Variants in NLRP7 observed in about 807,000 individuals in gnomAD.
The protein encoded by NLRP7 is NACHT, LRR and PYD domains-containing protein 7.
A neutral mutation model predicts 85.5 loss-of-function variants in NLRP7; 72 were observed. The ratio of observed to expected loss-of-function variants is 0.84; its 90% CI spans 0.70 to 1.02. The LOEUF is 1.02. Among genes scored for constraint, NLRP7 ranks in the 50% least tolerant of loss-of-function variants. The probability of loss-of-function intolerance (pLI) is 0.00; values close to 1 mark genes in which losing one functional copy is unlikely to be tolerated. For missense variants in NLRP7, 1,243 were observed against 1,219.5 expected (o/e 1.02, Z -0.29); for synonymous variants, 550 against 505.2 (o/e 1.09, Z -1.19).
At chr19:54,937,641 T>C (rs947470182) in intron 5 of NLRP7, among the ~76,000 whole-genome samples, 4 of 151,940 alleles carry the variant, frequency 2.6e-5, no homozygotes, top group African/African-American at 9.7e-5. Flanking sequence ...CTCATGCCTA[T>C]AATCCCAGCA....
Position 54,934,597 on chromosome 19 carries a change from T to A in NLRP7, c.2363A>T (p.Asn788Ile). 1.2e-6 allele frequency: 2 copies of A among 1,614,126 alleles called. No homozygotes were observed. The highest frequency in any genetic ancestry group is 1.7e-6 in the Non-Finnish European group (2 of 1,180,002). ...GAGACGCAGGTGCTTCAGGGACTGG[T>A]TGGCTTTGAGGACATAGAAGAATTC... The change falls in exon 7 of 10, where the codon AAC becomes ATC. Residue 788 changes from asparagine (N) to isoleucine (I), a missense_variant. Around this residue, in one of 3 missense-constraint regions of NLRP7, gnomAD observed 613 missense variants for 588.4 expected, o/e 1.04. Coordinates refer to ENST00000340844, the Ensembl canonical transcript of NLRP7. This position sits in a 1 kb window ranked among gnomAD's most constrained non-coding sequence, Gnocchi z 6.7.
intron 3 of NLRP7, 148 bp downstream of exon 3, chr19:54,940,783 A>G: frequency 1.4e-6 from 1 of 713,032 alleles, no homozygotes; most frequent in Non-Finnish European, 2.5e-6. Flanking sequence ...GCAGAGACGG[A>G]GCCACTACAC....
At chr19:54,930,855 A>G (rs1602126661) in intron 8 of NLRP7, among the ~76,000 whole-genome samples, 189 bp from the exon 9 acceptor site, 1 of 151,910 alleles carries the variant, frequency 6.6e-6, no homozygotes, top group African/African-American at 2.4e-5. Flanking sequence ...AGCTGGGATT[A>G]TAGGTGCCCG....
upstream of NLRP7, among the ~76,000 whole-genome samples, chr19:54,951,419 C>T (rs1168661073): frequency 1.3e-5 from 2 of 151,862 alleles, no homozygotes; most frequent in South Asian, 2.1e-4. Flanking sequence ...GGTAGTTCAA[C>T]GCCTGTAATC....
intron 5 of NLRP7, among the ~76,000 whole-genome samples, chr19:54,937,828 T>C (rs1423655487): frequency 3.1e-5 from 4 of 129,110 alleles, no homozygotes; most frequent in Admixed American, 9.8e-5. Flanking sequence ...ACCTGGGAGG[T>C]GGAGGATGCA....
chr19:54,942,090 TA>T (rs556308659), intron 1 of NLRP7, among the ~76,000 whole-genome samples: 1 of 151,450 alleles, frequency 6.6e-6, no homozygotes, highest in African/African-American at 2.4e-5. Flanking sequence ...CTGCCTCTAC[TA>T]AAAAAATACA....
At chr19:54,962,758 C>A (rs2070097846) in intron 1 of NLRP7, among the ~76,000 whole-genome samples, 1 of 150,712 alleles carries the variant, frequency 6.6e-6, no homozygotes. Flanking sequence ...CGCCACCACG[C>A]CCGGCTAATT....
rs532349756 is a variant in NLRP7 at position 54,946,439 on chromosome 19, G to A, written c.-40+1030C>T. ...TTGGTCAGGCTGGTCTCAAACTCCC[G>A]GCCTCAGGTGATCTGAAAGTGCTGG... On this transcript the variant is annotated intron_variant, in intron 1 of 9. Coordinates refer to ENST00000340844, the Ensembl canonical transcript of NLRP7. Among the ~76,000 whole-genome samples, 13 of 148,270 alleles carry A rather than the reference G, an allele frequency of 8.8e-5. No homozygotes were observed. In the South Asian group the frequency reaches 2.6e-3, roughly 30 times the overall value.
chr19:54,951,743 C>T (rs1289580829), upstream of NLRP7, among the ~76,000 whole-genome samples: 1 of 151,748 alleles, frequency 6.6e-6, no homozygotes, highest in Non-Finnish European at 1.5e-5. Context: ...ACAGCAGGGT[C>T]ATTAGACGAA....
rs115376783 is a variant in NLRP7 at position 54,941,779 on chromosome 19, C to T, written c.-39-29G>A. 313 of 1,518,664 alleles carry T rather than the reference C, an allele frequency of 2.1e-4. 1 individual carries two copies. The African/African-American group carries it at 3.9e-3, about 19-fold the overall frequency. The allele number at this position is 1,518,664 out of a possible 1,614,324, so 94.1% of individuals were successfully genotyped here. ...GGGGGAAAAAAGGAAAAACAGTTCACGAGTTACCATCATTAAATGAAACCA... is the reference window on the plus strand; with the variant it reads ...GGGGGAAAAAAGGAAAAACAGTTCATGAGTTACCATCATTAAATGAAACCA... On this transcript the variant is annotated intron_variant, in intron 1 of 9. Coordinates refer to ENST00000340844, the Ensembl canonical transcript of NLRP7.
At chr19:54,942,666 G>A (rs2069286522) in intron 1 of NLRP7, among the ~76,000 whole-genome samples, 1 of 151,994 alleles carries the variant, frequency 6.6e-6, no homozygotes, top group Non-Finnish European at 1.5e-5. Context: ...CATGATCTGA[G>A]ATCACGCCAT....
In NLRP7 at chr19:54,946,275, A is replaced by C. The variant is rs1318254928; in HGVS notation, c.-40+1194T>G. 6.2e-5 allele frequency among the ~76,000 whole-genome samples: 9 copies of C among 144,488 alleles called. No homozygotes were observed. The Admixed American group carries it at 6.2e-4, about 10-fold the overall frequency. The allele number at this position is 144,488 out of a possible 152,430, so 94.8% of individuals were successfully genotyped here. A position where few individuals can be genotyped will look rare whatever the true frequency, so the allele number is the denominator to read the frequency against. ...TGCCCAGGCTGGAGTGCAGTGGCGC[A>C]ATCTCAGCTCACCGCAACCTCCGCC... On this transcript the variant is annotated intron_variant, in intron 1 of 9. Transcript: ENST00000340844.
At position 54,933,920 on chromosome 19, in the gene NLRP7, C is replaced by T. The variant is rs12461151; in HGVS notation, c.2472-181G>A. Among the ~76,000 whole-genome samples, 662 of 152,256 alleles carry T rather than the reference C, an allele frequency of 4.3e-3. 4 individuals are homozygous for T. The highest frequency in any genetic ancestry group is 0.025 in the East Asian group (130 of 5,168). On this transcript the variant is annotated intron_variant, in intron 7 of 9. Transcript: ENST00000340844. ...GGAAGGCGAGAAGGCCAAGATGCAG[C>T]GGTCCACCTGGAGCCATCACAGGAC...
exon 10 of NLRP7, chr19:54,923,571 G>C (rs1201585896): frequency 5.4e-6 from 4 of 747,054 alleles, no homozygotes; most frequent in Non-Finnish European, 4.7e-6. Flanking sequence ...ATGTGAAGGG[G>C]GTGCGTGACT....
Position 54,940,188 on chromosome 19 carries a change from T to C in NLRP7, c.631A>G (p.Ser211Gly). Reference sequence around the variant, plus strand: ...CCCATGCGGCTGAGCTCCTTGCAGCTGAGGTAGAACGCGTATCTGAGCGTC... The same window carrying C: ...CCCATGCGGCTGAGCTCCTTGCAGCCGAGGTAGAACGCGTATCTGAGCGTC... The change falls in exon 4 of 10, where the codon AGC becomes GGC. Residue 211 changes from serine (S) to glycine (G), a missense_variant. Around this residue, in one of 3 missense-constraint regions of NLRP7, gnomAD observed 591 missense variants for 563.3 expected, o/e 1.05. Transcript: ENST00000340844. The C allele has an allele frequency of 6.2e-7, 1 of 1,614,164 alleles. No homozygotes were observed. The highest frequency in any genetic ancestry group is 8.5e-7 in the Non-Finnish European group (1 of 1,180,038).
At chr19:54,933,718 T>G (rs1602138761) in exon 8 of NLRP7, 2 of 1,614,214 alleles carry the variant, frequency 1.2e-6, no homozygotes, top group East Asian at 2.2e-5. Context: ...AACTGGCTTC[T>G]GTAAGACGAC....
At position 54,941,558 on chromosome 19, in the gene NLRP7, T is replaced by G; in HGVS notation, c.154A>C (p.Lys52Gln). Residue 52 changes from lysine (K) to glutamine (Q), a missense_variant, in exon 2 of 10, where the codon AAG (lysine) becomes CAG (glutamine). Lys to Gln is a moderately conservative substitution (Grantham distance 53, BLOSUM62 1). Transcript: ENST00000340844. ...TTGACCAGAATTTCTGCCAGTTTCTTGCCATCAGCCTCTTCCACCTCAGAC... is the reference window on the plus strand; with the variant it reads ...TTGACCAGAATTTCTGCCAGTTTCTGGCCATCAGCCTCTTCCACCTCAGAC... 4 of 1,614,056 alleles carry G rather than the reference T, an allele frequency of 2.5e-6. No homozygotes were observed. The Middle Eastern group carries it at 4.9e-4, about 200-fold the overall frequency.
chr19:54,959,094 C>T (rs1230146714), intron 1 of NLRP7, among the ~76,000 whole-genome samples: 1 of 151,568 alleles, frequency 6.6e-6, no homozygotes, highest in African/African-American at 2.4e-5. Context: ...TGGTGCCTGG[C>T]GCCGGGCTAC....
At chr19:54,931,102 T>C (rs1401246229) in intron 8 of NLRP7, among the ~76,000 whole-genome samples, 4 of 152,280 alleles carry the variant, frequency 2.6e-5, no homozygotes, top group Non-Finnish European at 5.9e-5. Context: ...ACTGGAGCTA[T>C]ATACTTCCAG....
Sources: allele counts gnomAD v4.1 joint callset (sites outside exome capture counted in the v4.1 genomes callset), GRCh38; gene constraint gnomAD v4.1.1; regional missense constraint gnomAD v4.1.1; non-coding constraint Gnocchi (gnomAD v3.1); transcripts MANE v1.5; gene names NCBI Gene and HGNC (gene_info 2026-07-23, HGNC 2026-07-21).